The following PCNT variants were observed in gnomAD, a reference collection of about 807,000 sequenced individuals.
The protein encoded by PCNT is pericentrin.
Under a neutral mutation model 380.4 loss-of-function variants are expected in PCNT, and 319 were observed. The observed-to-expected ratio is 0.84, with a 90% CI of 0.77 to 0.92. PCNT has a LOEUF of 0.92. Among genes scored for constraint, PCNT ranks in the 40% least tolerant of loss-of-function variants. The pLI, the probability that PCNT is intolerant of heterozygous loss-of-function variation, is 0.00. For missense variants in PCNT, 4,400 were observed against 4,255.3 expected, an observed-to-expected ratio of 1.03 and a Z score of -0.95; for synonymous variants, 1,845 against 1,735.2, an observed-to-expected ratio of 1.06 and a Z score of -1.57.
At chr21:46,376,668 C>T (rs1017560527) in intron 15 of PCNT, among the ~76,000 whole-genome samples, 3 of 152,214 alleles carry the variant, frequency 2.0e-5, no homozygotes, top group Admixed American at 6.5e-5. Flanking sequence ...TACACTGAAC[C>T]AGCATCCCTG....
chr21:46,380,595 G>T (rs541953912), intron 15 of PCNT, among the ~76,000 whole-genome samples: 2 of 152,154 alleles, frequency 1.3e-5, no homozygotes, highest in African/African-American at 4.8e-5. Flanking sequence ...CCCCACCCCA[G>T]CAGCTACTGG....
In PCNT at chr21:46,399,573, A is replaced by AT; in HGVS notation, c.4585-11dup. 1 of 1,580,824 alleles carries AT rather than the reference A, an allele frequency of 6.3e-7. No individual in the cohort carries two copies. The highest frequency in any genetic ancestry group is 8.7e-7 in the Non-Finnish European group (1 of 1,149,972). On this transcript the variant is annotated splice_polypyrimidine_tract_variant and intron_variant, in intron 24 of 46. Coordinates refer to ENST00000359568, the MANE Select transcript of PCNT (RefSeq NM_006031.6). Reference sequence around the variant, plus strand: ...AAACATTCTATTGTATTCCTCAAGCATTTTTTGTTGTTTTAGGTTGAGTTG... The same window carrying AT: ...AAACATTCTATTGTATTCCTCAAGCATTTTTTTGTTGTTTTAGGTTGAGTTG...
intron 15 of PCNT, among the ~76,000 whole-genome samples, chr21:46,371,908 A>C (rs1276437332): frequency 1.3e-5 from 2 of 149,632 alleles, no homozygotes; most frequent in African/African-American, 5.0e-5. Context: ...TACACAGCAC[A>C]TGTGCGCACA....
intron 40 of PCNT, 109 bp downstream of exon 40, chr21:46,437,190 C>A: frequency 1.4e-6 from 1 of 731,586 alleles, no homozygotes; most frequent in Non-Finnish European, 2.4e-6. Context: ...TCCTCCCTCG[C>A]TGCCTTCTCT....
chr21:46,353,589 CAT>C (rs1491143083), intron 10 of PCNT, among the ~76,000 whole-genome samples: 5 of 151,868 alleles, frequency 3.3e-5, no homozygotes, highest in Non-Finnish European at 4.4e-5. Flanking sequence ...TGTAGGCCAG[CAT>C]GTGTGTGTGT....
chr21:46,425,124 C>CCTCTGGG lies in PCNT; in HGVS notation c.7180-695_7180-689dup, dbSNP rs1195286157. ...CTCATGTGGTGGTGACCGCGCTGAG[C>CCTCTGGG]CTCTGGGCTCTGGGCTCTAGGCTGG... is the stretch of plus-strand genomic sequence containing the variant. On this transcript the variant is annotated intron_variant, in intron 32 of 46. Transcript: ENST00000359568. This position sits in a 1 kb window ranked among gnomAD's most constrained non-coding sequence, Gnocchi z 4.2. 3.3e-5 allele frequency among the ~76,000 whole-genome samples: 5 copies of CCTCTGGG among 152,272 alleles called. No homozygotes were observed. The highest frequency in any genetic ancestry group is 4.2e-4 in the South Asian group (2 of 4,816).
At chr21:46,436,325 A>G (rs545970959) in intron 39 of PCNT, among the ~76,000 whole-genome samples, 177 bp downstream of exon 39, 37 of 152,170 alleles carry the variant, frequency 2.4e-4, no homozygotes, top group Non-Finnish European at 3.7e-4. Context: ...TGGCATGTTC[A>G]TATTCTAATG....
intron 2 of PCNT, 23 bp downstream of exon 2, chr21:46,326,612 T>C (rs368167866): frequency 4.4e-6 from 7 of 1,604,222 alleles, no homozygotes; most frequent in Non-Finnish European, 5.1e-6. Context: ...AATGTTGTAT[T>C]TGAACATTTC....
intron 1 of PCNT, among the ~76,000 whole-genome samples, chr21:46,324,711 C>A (rs2083305568): frequency 6.6e-6 from 1 of 151,946 alleles, no homozygotes; most frequent in Non-Finnish European, 1.5e-5. Flanking sequence ...GTGGCTCCCG[C>A]GTCCTCCGGG....
intron 13 of PCNT, among the ~76,000 whole-genome samples, chr21:46,363,271 G>A (rs559902349): frequency 6.6e-6 from 1 of 152,198 alleles, no homozygotes; most frequent in African/African-American, 2.4e-5. Context: ...GTGCCAGGAC[G>A]TAGGAGGCAT....
rs1311252890 is a variant in PCNT at position 46,388,316 on chromosome 21, G to A, written c.3465-426G>A. On this transcript the variant is annotated intron_variant, in intron 17 of 46. Coordinates refer to ENST00000359568, the MANE Select transcript of PCNT (RefSeq NM_006031.6). The surrounding 1 kb of genome is among the most constrained non-coding windows in gnomAD (Gnocchi z 4.2). The stretch of plus-strand genomic sequence containing the variant: ...GCCACACAACTCCTGTGAATGTGTG[G>A]CTGAGGCGTGACTTGGTGTTGGACA... Among the ~76,000 whole-genome samples the A allele has an allele frequency of 6.6e-6, 1 of 152,192 alleles. No individual in the cohort carries two copies. The highest frequency in any genetic ancestry group is 1.5e-5 in the Non-Finnish European group (1 of 68,020).
In PCNT at chr21:46,391,360, C is replaced by G; in HGVS notation, c.4200C>G (p.Ala1400=). 1 of 1,549,540 alleles carries G rather than the reference C, an allele frequency of 6.5e-7. No individual in the cohort carries two copies. The highest frequency in any genetic ancestry group is 8.7e-7 in the Non-Finnish European group (1 of 1,146,318). ...GGGGGGAGGCCACAGCCACGGACGC[C>G]GAGGCCAGAGAAGCTGGTAAGGAGC... The part of the protein sequence containing the change: ...WSRGEATATD[A]EAREAALRKE... Residue 1400 remains alanine, a synonymous_variant, in exon 21 of 47, where the codon GCC becomes GCG. Coordinates refer to ENST00000359568, the MANE Select transcript of PCNT (RefSeq NM_006031.6).
At position 46,334,626 on chromosome 21, in the gene PCNT, C is replaced by A; in HGVS notation, c.497C>A (p.Pro166Gln). The A allele has an allele frequency of 6.2e-7, 1 of 1,607,288 alleles. No individual in the cohort carries two copies. The highest frequency in any genetic ancestry group is 8.5e-7 in the Non-Finnish European group (1 of 1,175,568). Residue 166 changes from proline to glutamine, a missense_variant, in exon 3 of 47, where the codon CCA (proline) becomes CAA (glutamine). Pro to Gln is a moderately conservative substitution (Grantham distance 76). Transcript: ENST00000359568. ...HGMFTVSDHP[P>Q]EQRGMFTISD... The stretch of plus-strand genomic sequence containing the variant: ...ATGTTCACAGTCAGTGACCACCCAC[C>A]AGAACAGCGTGGGATGTTCACAATC...
At chr21:46,407,443 G>A (rs1294137956) in intron 27 of PCNT, among the ~76,000 whole-genome samples, 3 of 149,270 alleles carry the variant, frequency 2.0e-5, no homozygotes, top group African/African-American at 7.5e-5. Context: ...CCGGGTTCAA[G>A]TGAGTCTCCT....
Position 46,344,473 on chromosome 21 carries a change from C to T in PCNT, c.640-1655C>T, listed in dbSNP as rs186833452. Among the ~76,000 whole-genome samples, 11 of 152,358 alleles carry T rather than the reference C, an allele frequency of 7.2e-5. No individual in the cohort carries two copies. The East Asian group carries it at 2.1e-3, about 29-fold the overall frequency. ...GCAGCCCTTGTGGAGCCCACCATGCCGCCCTTCCCTGTCCAGTTCCTCCGG... is the reference window on the plus strand; with the variant it reads ...GCAGCCCTTGTGGAGCCCACCATGCTGCCCTTCCCTGTCCAGTTCCTCCGG... On this transcript the variant is annotated intron_variant, in intron 3 of 46. Coordinates refer to ENST00000359568, the MANE Select transcript of PCNT (RefSeq NM_006031.6).
In PCNT at chr21:46,398,251, G is replaced by A. The variant is rs1372649194; in HGVS notation, c.4580G>A (p.Gly1527Glu). The part of the protein sequence containing the change: ...PRDSQQAPLD[G>E]EVELLQQKLR... ...AATCGGCAGCAGGCGCCGCTGGATG[G>A]AGAGGTGAGGAGGCGTCAACGAGAT... is the stretch of plus-strand genomic sequence containing the variant. Residue 1527 changes from glycine (G) to glutamate (E), a missense_variant, in exon 24 of 47, where the codon GGA (glycine) becomes GAA (glutamate). By Grantham distance (98) the Gly-to-Glu change is moderately conservative. Coordinates refer to ENST00000359568, the MANE Select transcript of PCNT (RefSeq NM_006031.6). 1 of 1,605,686 alleles carries A rather than the reference G, an allele frequency of 6.2e-7. No homozygotes were observed. Among genetic ancestry groups the A allele is most frequent in the Admixed American group, 1.7e-5 (1 of 59,150 alleles).
At chr21:46,417,547 G>A (rs916412749) in intron 30 of PCNT, among the ~76,000 whole-genome samples, 5 of 150,442 alleles carry the variant, frequency 3.3e-5, no homozygotes, top group African/African-American at 1.0e-4. Context: ...TTTAATTTAT[G>A]AGTTAGATCG....
At chr21:46,431,314 A>G in intron 37 of PCNT, 2 of 1,422,742 alleles carry the variant, frequency 1.4e-6, no homozygotes, top group Non-Finnish European at 1.8e-6. Context: ...AGGACTCAAC[A>G]CCATTTCCGA....
intron 3 of PCNT, among the ~76,000 whole-genome samples, chr21:46,340,369 G>A (rs1304056158): frequency 6.6e-6 from 1 of 152,208 alleles, no homozygotes; most frequent in Non-Finnish European, 1.5e-5. Flanking sequence ...GTATAGCTCA[G>A]CCCACTTTTG....
Sources: allele counts gnomAD v4.1 joint callset (sites outside exome capture counted in the v4.1 genomes callset), GRCh38; gene constraint gnomAD v4.1.1; non-coding constraint Gnocchi (gnomAD v3.1); transcripts MANE v1.5; gene names NCBI Gene and HGNC (gene_info 2026-07-23, HGNC 2026-07-21).